Variants in RTL1 observed in about 807,000 individuals in gnomAD.
RTL1 encodes the protein retrotransposon-like protein 1.
For synonymous variants in RTL1, 727 were observed against 748.4 expected, an observed-to-expected ratio of 0.97 and a Z score of 0.47; for missense variants, 1,681 against 1,767.5, an observed-to-expected ratio of 0.95 and a Z score of 0.88.
At chr14:100,896,070 C>CAAAA (rs10638500) in intron 2 of RTL1, among the ~76,000 whole-genome samples, 1 of 120,194 alleles carries the variant, frequency 8.3e-6, no homozygotes, top group Non-Finnish European at 1.7e-5. Flanking sequence ...GACTCCGTCT[C>CAAAA]AAAAAAAAAA....
intron 2 of RTL1, among the ~76,000 whole-genome samples, chr14:100,901,701 C>A (rs1311264072): frequency 6.6e-6 from 1 of 152,206 alleles, no homozygotes; most frequent in Non-Finnish European, 1.5e-5. Flanking sequence ...CCTCTGTGGG[C>A]TCAGGAGCCA....
At chr14:100,901,170 T>A (rs776152689) in intron 2 of RTL1, among the ~76,000 whole-genome samples, 1 of 152,228 alleles carries the variant, frequency 6.6e-6, no homozygotes, top group Non-Finnish European at 1.5e-5. Flanking sequence ...CATCCTTGAA[T>A]GACTCTGCCC....
intron 2 of RTL1, chr14:100,897,751 CGG>C (rs67432304): frequency 0.023 from 1,143 of 50,432 alleles, 182 homozygotes; most frequent in African/African-American, 0.16. Context: ...CCCTGGTTGG[CGG>C]GGGGGGGGGT....
Position 100,883,414 on chromosome 14 carries a change from C to G in RTL1, c.1375G>C (p.Val459Leu), listed in dbSNP as rs927817348. 1 of 1,550,206 alleles carries G rather than the reference C, an allele frequency of 6.5e-7. No homozygotes were observed. Among genetic ancestry groups the G allele is most frequent in the African/African-American group, 1.4e-5 (1 of 73,028 alleles). Residue 459 changes from valine to leucine, a missense_variant, in exon 4 of 4, where the codon GTC becomes CTC. Coordinates refer to ENST00000649591, the MANE Select transcript of RTL1 (RefSeq NM_001134888.3). The surrounding 1 kb of genome is among the most constrained non-coding windows in gnomAD (Gnocchi z 5.9). The part of the protein sequence containing the change: ...ELYEKPYPQP[V>L]QSVDGSLIGN... ...ATCAGCGAGCCGTCCACGGATTGGA[C>G]CGGCTGTGGGTACGGCTTCTCGTAG...
At chr14:100,903,548 A>G (rs1157776301) in intron 1 of RTL1, among the ~76,000 whole-genome samples, 57 bp downstream of exon 1, 5 of 152,152 alleles carry the variant, frequency 3.3e-5, no homozygotes, top group Admixed American at 3.3e-4. Flanking sequence ...TGGTCTCATG[A>G]GCCCCATTAG....
intron 2 of RTL1, among the ~76,000 whole-genome samples, chr14:100,897,135 G>A (rs985833322): frequency 2.0e-5 from 3 of 152,174 alleles, no homozygotes; most frequent in Non-Finnish European, 4.4e-5. Flanking sequence ...TCCAGTGAGA[G>A]CATATAGATA....
At position 100,883,126 on chromosome 14, in the gene RTL1, G is replaced by A. The variant is rs762425264; in HGVS notation, c.1663C>T (p.Leu555=). 1 of 1,611,610 alleles carries A rather than the reference G, an allele frequency of 6.2e-7. No homozygotes were observed. The highest frequency in any genetic ancestry group is 1.1e-5 in the South Asian group (1 of 90,478). The part of the protein sequence containing the change: ...ERHGMSLLPG[L]PHPYSDLADV... ...GCCAGGTCTGAGTATGGGTGTGGCAGTCCGGGTAGCAGGCTCATGCCGTGC... is the reference window on the plus strand; with the variant it reads ...GCCAGGTCTGAGTATGGGTGTGGCAATCCGGGTAGCAGGCTCATGCCGTGC... Residue 555 remains leucine, a synonymous_variant, in exon 4 of 4, where the codon CTG becomes TTG. Transcript: ENST00000649591. The surrounding 1 kb of genome is among the most constrained non-coding windows in gnomAD (Gnocchi z 5.9).
At chr14:100,886,637 AT>A (rs2038701044) in intron 3 of RTL1, among the ~76,000 whole-genome samples, 1 of 152,016 alleles carries the variant, frequency 6.6e-6, no homozygotes, top group Non-Finnish European at 1.5e-5. Flanking sequence ...AAATTAACTC[AT>A]TTCCTCTCCA....
In RTL1 at chr14:100,883,435, C is replaced by CG; in HGVS notation, c.1353dup (p.Glu452ArgfsTer42). On this transcript the variant is annotated frameshift_variant, in exon 4 of 4. Transcript: ENST00000649591. LOFTEE classifies it low-confidence loss of function (END_TRUNC). The surrounding 1 kb of genome is among the most constrained non-coding windows in gnomAD (Gnocchi z 5.9). ...TGGACCGGCTGTGGGTACGGCTTCT[C>CG]GTAGAGCTCGACGTAGTGCTCTTGG... The CG allele has an allele frequency of 6.5e-7, 1 of 1,550,308 alleles. No individual in the cohort carries two copies. The highest frequency in any genetic ancestry group is 8.7e-7 in the Non-Finnish European group (1 of 1,146,206).
chr14:100,888,404 C>T (rs2038722705), intron 3 of RTL1, among the ~76,000 whole-genome samples: 1 of 152,212 alleles, frequency 6.6e-6, no homozygotes, highest in African/African-American at 2.4e-5. Context: ...TGTAGTTTCT[C>T]TCAGGATGAT....
chr14:100,882,517 G>A lies in RTL1; in HGVS notation c.2272C>T (p.His758Tyr), dbSNP rs2038632529. ...HVRQVLVRFR[H>Y]HNVYCSLDKS... ...TCCAGGGAGCAGTAGACGTTGTGATGGCGGAAGCGGACCAGGACTTGGCGG... is the reference window on the plus strand; with the variant it reads ...TCCAGGGAGCAGTAGACGTTGTGATAGCGGAAGCGGACCAGGACTTGGCGG... The change falls in exon 4 of 4, where the codon CAT (histidine) becomes TAT (tyrosine). Residue 758 changes from histidine to tyrosine, a missense_variant. His to Tyr is a moderately conservative substitution (Grantham distance 83). Coordinates refer to ENST00000649591, the MANE Select transcript of RTL1 (RefSeq NM_001134888.3). The A allele has an allele frequency of 6.4e-7, 1 of 1,551,800 alleles. No individual in the cohort carries two copies. The highest frequency in any genetic ancestry group is 2.0e-5 in the Admixed American group (1 of 50,988).
At chr14:100,900,401 C>T (rs924777930) in intron 2 of RTL1, among the ~76,000 whole-genome samples, 3 of 152,208 alleles carry the variant, frequency 2.0e-5, no homozygotes, top group African/African-American at 4.8e-5. Flanking sequence ...ACAAAGGCTC[C>T]GCTCTCCGAA....
rs1017585854 is a variant in RTL1, at chr14:100,883,319, G to T, written c.1470C>A (p.Ile490=). The T allele has an allele frequency of 6.4e-7, 1 of 1,551,362 alleles. No homozygotes were observed. The highest frequency in any genetic ancestry group is 8.7e-7 in the Non-Finnish European group (1 of 1,146,812). ...VCIHQNHQES[I]EFDIVPSPNF... ...TCGGTGAAGGTACGATGTCAAATTCGATGGACTCCTGGTGGTTCTGGTGGA... is the reference window on the plus strand; with the variant it reads ...TCGGTGAAGGTACGATGTCAAATTCTATGGACTCCTGGTGGTTCTGGTGGA... The change falls in exon 4 of 4, where the codon ATC becomes ATA. Residue 490 remains isoleucine, a synonymous_variant. Coordinates refer to ENST00000649591, the MANE Select transcript of RTL1 (RefSeq NM_001134888.3). This position sits in a 1 kb window ranked among gnomAD's most constrained non-coding sequence, Gnocchi z 5.9.
Position 100,884,183 on chromosome 14 carries a change from G to A in RTL1, c.606C>T (p.Ala202=). 1 of 1,551,716 alleles carries A rather than the reference G, an allele frequency of 6.4e-7. No individual in the cohort carries two copies. Among genetic ancestry groups the A allele is most frequent in the Non-Finnish European group, 8.7e-7 (1 of 1,146,976 alleles). ...TGCGATCGCCAGAGAAGTGCTTTGG[G>A]GCGGGCAGTTGGCCTGCATTGATCC... ...IKGINAGQLP[A]PKHFSGDRRE... The change falls in exon 4 of 4, where the codon GCC becomes GCT. Residue 202 remains alanine, a synonymous_variant. Coordinates refer to ENST00000649591, the MANE Select transcript of RTL1 (RefSeq NM_001134888.3).
chr14:100,892,974 G>C (rs1476443172), intron 3 of RTL1, among the ~76,000 whole-genome samples: 1 of 152,112 alleles, frequency 6.6e-6, no homozygotes, highest in Non-Finnish European at 1.5e-5. Context: ...CAGAGGCAGG[G>C]TTTAAAGCCA....
In RTL1 at chr14:100,881,690, T is replaced by C; in HGVS notation, c.3099A>G (p.Glu1033=). ...TGAGCTCATCCTGTTCTTCATTCTC[T>C]TCTTCCCCGGATTCCGTCGATGGAT... The part of the protein sequence containing the change: ...PRDPSTESGE[E]ENEEQDELNE... Residue 1033 remains glutamate (E), a synonymous_variant, in exon 4 of 4, where the codon GAA becomes GAG. Coordinates refer to ENST00000649591, the MANE Select transcript of RTL1 (RefSeq NM_001134888.3). This position sits in a 1 kb window ranked among gnomAD's most constrained non-coding sequence, Gnocchi z 6.6. 5.1e-6 allele frequency: 8 copies of C among 1,561,062 alleles called. No individual in the cohort carries two copies. Among genetic ancestry groups the C allele is most frequent in the Non-Finnish European group, 6.9e-6 (8 of 1,152,102 alleles).
intron 2 of RTL1, among the ~76,000 whole-genome samples, chr14:100,902,243 G>A (rs1335811188): frequency 6.6e-6 from 1 of 152,056 alleles, no homozygotes; most frequent in Non-Finnish European, 1.5e-5. Context: ...TCTGCCCTCC[G>A]ATCTCTGCAG....
In RTL1 at chr14:100,884,708, C is replaced by T; in HGVS notation, c.81G>A (p.Glu27=). ...NPSSKQMESS[E]GSSNTTEATS... is the part of the protein sequence containing the mutation. ...TCGCCTCGGTGGTGTTGGATGAGCC[C>T]TCGGAGGACTCCATTTGTTTTGATG... Residue 27 remains glutamate, a synonymous_variant, in exon 4 of 4, where the codon GAG becomes GAA. Coordinates refer to ENST00000649591, the MANE Select transcript of RTL1 (RefSeq NM_001134888.3). The T allele has an allele frequency of 6.2e-7, 1 of 1,613,004 alleles. No individual in the cohort carries two copies. The highest frequency in any genetic ancestry group is 8.5e-7 in the Non-Finnish European group (1 of 1,179,706).
At chr14:100,889,157 C>T (rs1481893990) in intron 3 of RTL1, among the ~76,000 whole-genome samples, 1 of 152,172 alleles carries the variant, frequency 6.6e-6, no homozygotes, top group Non-Finnish European at 1.5e-5. Context: ...TCCCTCAAAA[C>T]AAAGTCCAGA....
Sources: gnomAD v4.1 joint callset for allele counts (sites outside exome capture counted in the v4.1 genomes callset) on GRCh38, gnomAD v4.1.1 for gene constraint, Gnocchi (gnomAD v3.1) non-coding constraint, MANE v1.5 for transcripts, NCBI Gene and HGNC (gene_info 2026-07-23, HGNC 2026-07-21) for gene names.